Variants in DUOX1 observed in about 807,000 individuals in gnomAD.
DUOX1 encodes NADPH thyroid oxidase 1.
DUOX1 carries 134 observed loss-of-function variants against 181.8 expected under a neutral mutation model. That is an observed-to-expected ratio of 0.74 (90% CI 0.64 to 0.85). The LOEUF is 0.85. Ranked by LOEUF, DUOX1 falls within the 40% of genes least tolerant of loss-of-function variation. The pLI is 0.00. For missense variants in DUOX1, 1,814 were observed against 2,064.4 expected, an observed-to-expected ratio of 0.88 and a Z score of 2.35; for synonymous variants, 798 against 832.5, an observed-to-expected ratio of 0.96 and a Z score of 0.71.
chr15:45,161,654 T>A, intron 29 of DUOX1, 84 bp from the exon 30 acceptor site: 1 of 1,227,480 alleles, frequency 8.1e-7, no homozygotes. Context: ...GAAGCAGAGC[T>A]GAGGCTGTGG....
chr15:45,158,230 T>C (rs987767255), intron 28 of DUOX1, among the ~76,000 whole-genome samples: 2 of 152,186 alleles, frequency 1.3e-5, no homozygotes, highest in Non-Finnish European at 2.9e-5. Context: ...CCTGTTTGGA[T>C]GCTCAGAAAG....
chr15:45,134,231 G>T lies in DUOX1; in HGVS notation c.229G>T (p.Asp77Tyr). 1 of 1,580,270 alleles carries T rather than the reference G, an allele frequency of 6.3e-7. No homozygotes were observed. Among genetic ancestry groups the T allele is most frequent in the Non-Finnish European group, 8.6e-7 (1 of 1,165,832 alleles). ...AGAACCCCACCTGCCCAACCCCCGAGACCTTAGCAACACCATCTCAAGGGG... is the reference window on the plus strand; with the variant it reads ...AGAACCCCACCTGCCCAACCCCCGATACCTTAGCAACACCATCTCAAGGGG... ...LGEPHLPNPR[D>Y]LSNTISRGPA... The change falls in exon 4 of 34, where the codon GAC becomes TAC. Residue 77 changes from aspartate (D) to tyrosine (Y), a missense_variant. Transcript: ENST00000389037.
In DUOX1 at chr15:45,164,998, T is replaced by A; in HGVS notation, c.*97T>A. On this transcript the variant is annotated 3_prime_UTR_variant, in exon 34 of 34. Coordinates refer to ENST00000389037, the MANE Select transcript of DUOX1 (RefSeq NM_175940.3). Reference sequence around the variant, plus strand: ...CCTATTTCTGGCTGCCTCAGCCTTCTCTGATTTCCCACCTCCCAACCTTGT... The same window carrying A: ...CCTATTTCTGGCTGCCTCAGCCTTCACTGATTTCCCACCTCCCAACCTTGT... The A allele has an allele frequency of 7.1e-7, 1 of 1,399,380 alleles. No homozygotes were observed. Among genetic ancestry groups the A allele is most frequent in the Non-Finnish European group, 1.0e-6 (1 of 1,004,412 alleles). 86.7% of individuals were successfully genotyped at this position (1,399,380 alleles called of 1,614,324 possible). A position where few individuals can be genotyped will look rare whatever the true frequency, so the allele number is the denominator to read the frequency against.
intron 21 of DUOX1, among the ~76,000 whole-genome samples, chr15:45,149,345 G>A (rs1445324591): frequency 6.6e-6 from 1 of 152,142 alleles, no homozygotes. Context: ...CCTTTCCCAG[G>A]CAGCCAGGGC....
At chr15:45,147,350 G>T in intron 18 of DUOX1, 83 bp from the exon 19 acceptor site, 1 of 1,525,774 alleles carries the variant, frequency 6.6e-7, no homozygotes, top group Non-Finnish European at 8.9e-7. Flanking sequence ...CACCTCAAAA[G>T]GTGGCTCCTA....
Position 45,152,356 on chromosome 15 carries a change from C to T in DUOX1, c.3264C>T (p.Gly1088=). ...GCGTGGGAATCATCCTGTCGCGGGG[C>T]ACAGCAGCCAGCATCTCTTTCATGT... ...TTRVGIILSR[G]TAASISFMFS... Residue 1088 remains glycine (G), a synonymous_variant, in exon 25 of 34, where the codon GGC becomes GGT. Transcript: ENST00000389037. 6.2e-7 allele frequency: 1 copy of T among 1,614,254 alleles called. No individual in the cohort carries two copies. Among genetic ancestry groups the T allele is most frequent in the Non-Finnish European group, 8.5e-7 (1 of 1,180,052 alleles).
intron 14 of DUOX1, 177 bp from the exon 15 acceptor site, chr15:45,141,798 G>A (rs1248940452): frequency 1.6e-6 from 1 of 627,232 alleles, no homozygotes; most frequent in Non-Finnish European, 2.8e-6. Flanking sequence ...TTCTGTGTGT[G>A]AGGGAGAGAT....
At chr15:45,141,912 C>A in intron 14 of DUOX1, 63 bp from the exon 15 acceptor site, 1 of 1,556,696 alleles carries the variant, frequency 6.4e-7, no homozygotes, top group Non-Finnish European at 8.7e-7. Flanking sequence ...TAACCTCCTC[C>A]GTGATCCTGT....
rs1896785509 is a variant in DUOX1, at chr15:45,150,930, A to AG, written c.2889-191dup. Among the ~76,000 whole-genome samples, 4 of 152,308 alleles carry AG rather than the reference A, an allele frequency of 2.6e-5. No homozygotes were observed. The South Asian group carries it at 8.3e-4, about 32-fold the overall frequency. Reference sequence around the variant, plus strand: ...GCCCAGATGCCCTTGTGAAGGGTAAAGGCATATGCAGCAGCCTTAGCGAGG... The same window carrying AG: ...GCCCAGATGCCCTTGTGAAGGGTAAAGGGCATATGCAGCAGCCTTAGCGAGG... On this transcript the variant is annotated intron_variant, in intron 22 of 33. Coordinates refer to ENST00000389037, the MANE Select transcript of DUOX1 (RefSeq NM_175940.3).
intron 10 of DUOX1, 156 bp from the exon 11 acceptor site, chr15:45,138,910 A>G (rs1447585216): frequency 1.5e-6 from 1 of 656,432 alleles, no homozygotes; most frequent in East Asian, 2.8e-5. Context: ...CTGAGTGGGG[A>G]ATCAACCTGC....
At chr15:45,140,005 C>T in intron 12 of DUOX1, 1 of 1,202,214 alleles carries the variant, frequency 8.3e-7, no homozygotes, top group South Asian at 1.2e-5. Flanking sequence ...GGACTGGTGG[C>T]CCAGGCCAAG....
intron 18 of DUOX1, among the ~76,000 whole-genome samples, chr15:45,145,867 A>C (rs1896640045): frequency 6.6e-6 from 1 of 151,914 alleles, no homozygotes; most frequent in East Asian, 1.9e-4. Flanking sequence ...GTGAGCCGAG[A>C]TTGCACCACT....
In DUOX1 at chr15:45,138,007, G is replaced by A. The variant is rs142599103; in HGVS notation, c.1106G>A (p.Ser369Asn). 27 of 1,607,584 alleles carry A rather than the reference G, an allele frequency of 1.7e-5. No homozygotes were observed. The African/African-American group carries it at 3.5e-4, about 21-fold the overall frequency. ...CTCCGGGTCTGCAACAGCTACTGGA[G>A]CCGTGAGGTCCGAGCTGGGGGCCAC... Reference protein sequence around the residue: ...RALRVCNSYWSREHPSLQSAE... With the variant: ...RALRVCNSYWNREHPSLQSAE... Residue 369 changes from serine to asparagine, a missense_variant, in exon 10 of 34, where the codon AGC becomes AAC. Coordinates refer to ENST00000389037, the MANE Select transcript of DUOX1 (RefSeq NM_175940.3).
chr15:45,132,949 A>AT, intron 2 of DUOX1, among the ~76,000 whole-genome samples: 1 of 152,088 alleles, frequency 6.6e-6, no homozygotes, highest in South Asian at 2.1e-4. Context: ...GCCCTGAGTC[A>AT]TTTTCCCCCC....
intron 28 of DUOX1, among the ~76,000 whole-genome samples, chr15:45,157,452 T>G (rs1896992380): frequency 6.6e-6 from 1 of 152,066 alleles, no homozygotes; most frequent in Non-Finnish European, 1.5e-5. Flanking sequence ...CCCAGAGCCC[T>G]TTCTGATTTG....
rs370929258 is a variant in DUOX1 at position 45,138,052 on chromosome 15, G to A, written c.1113+38G>A. 4 of 1,492,962 alleles carry A rather than the reference G, an allele frequency of 2.7e-6. No homozygotes were observed. The African/African-American group carries it at 4.2e-5, about 16-fold the overall frequency. 92.5% of individuals were successfully genotyped at this position (1,492,962 alleles called of 1,614,324 possible). A position where few individuals can be genotyped will look rare whatever the true frequency, so the allele number is the denominator to read the frequency against. On this transcript the variant is annotated intron_variant, in intron 10 of 33. Transcript: ENST00000389037. Reference sequence around the variant, plus strand: ...GGCCACATATGTGGTGGATGTGTGTGTGTGCATGCTTATGTGTGTGTGTGT... The same window carrying A: ...GGCCACATATGTGGTGGATGTGTGTATGTGCATGCTTATGTGTGTGTGTGT...
At chr15:45,155,607 A>G (rs983302476) in intron 27 of DUOX1, 195 bp from the exon 28 acceptor site, 3 of 672,714 alleles carry the variant, frequency 4.5e-6, no homozygotes, top group Non-Finnish European at 4.9e-6. Flanking sequence ...GACAAGGGCT[A>G]TGAAAAGTGA....
intron 28 of DUOX1, among the ~76,000 whole-genome samples, chr15:45,160,083 C>T (rs929690754): frequency 2.6e-5 from 4 of 152,144 alleles, no homozygotes; most frequent in Admixed American, 6.5e-5. Flanking sequence ...ACCTGGGAGG[C>T]GGAGGTTGCA....
chr15:45,131,936 T>C lies in DUOX1; in HGVS notation c.-31T>C. The C allele has an allele frequency of 6.2e-7, 1 of 1,612,604 alleles. No individual in the cohort carries two copies. The highest frequency in any genetic ancestry group is 1.3e-5 in the African/African-American group (1 of 75,022). ...TTTCTAGGGTCTCCATTTTGGGACA[T>C]TCTAATCCCTGAGCCCCTATTATTT... On this transcript the variant is annotated 5_prime_UTR_variant, in exon 2 of 34. Coordinates refer to ENST00000389037, the MANE Select transcript of DUOX1 (RefSeq NM_175940.3).
Sources: gnomAD v4.1 joint callset for allele counts (sites outside exome capture counted in the v4.1 genomes callset) on GRCh38, gnomAD v4.1.1 for gene constraint, MANE v1.5 for transcripts, NCBI Gene and HGNC (gene_info 2026-07-23, HGNC 2026-07-21) for gene names.